TMCO1: variants seen among roughly 807,000 people sequenced by gnomAD.
The protein encoded by TMCO1 is calcium load-activated calcium channel.
A neutral mutation model predicts 29.3 loss-of-function variants in TMCO1; 29 were observed. That is an observed-to-expected ratio of 0.99 (90% CI 0.74 to 1.35). The LOEUF is 1.35. TMCO1 is among the 40% of genes most tolerant of loss of function. TMCO1 has a pLI of 0.00. For synonymous variants in TMCO1, 80 were observed against 77.1 expected (o/e 1.04, Z -0.20); for missense variants, 173 against 225.5 (o/e 0.77, Z 1.49).
rs114582888 is a variant in TMCO1 at position 165,727,107 on chromosome 1, T to A, written c.*916A>T. ...ATCATGGTACAAACATCCTTCTCCC[T>A]TATGAAGGGGCATGGCAGAAAATGA... is the stretch of plus-strand genomic sequence containing the variant. On this transcript the variant is annotated 3_prime_UTR_variant, in exon 7 of 7. Transcript: ENST00000367881. 117 of 454,060 alleles carry A rather than the reference T, an allele frequency of 2.6e-4. No individual in the cohort carries two copies. Among genetic ancestry groups the A allele is most frequent in the African/African-American group, 2.1e-3 (104 of 50,108 alleles). The allele number at this position is 454,060 out of a possible 1,614,324, so 28.1% of individuals were successfully genotyped here.
At chr1:165,761,444 A>C (rs1398715740) in intron 2 of TMCO1, among the ~76,000 whole-genome samples, 1 of 151,918 alleles carries the variant, frequency 6.6e-6, no homozygotes, top group Non-Finnish European at 1.5e-5. Flanking sequence ...CTGAGGCAGG[A>C]GGAGCTCCTG....
At chr1:165,763,874 G>C (rs935316058) in intron 2 of TMCO1, among the ~76,000 whole-genome samples, 2 of 152,140 alleles carry the variant, frequency 1.3e-5, no homozygotes, top group African/African-American at 2.4e-5. Context: ...CAATCTACCT[G>C]CCTCAGCCTC....
chr1:165,755,909 G>A (rs142626791), intron 3 of TMCO1, among the ~76,000 whole-genome samples: 148 of 152,234 alleles, frequency 9.7e-4, no homozygotes, highest in Non-Finnish European at 1.7e-3. Context: ...GGGCCAATTA[G>A]ATTCCTCTCT....
chr1:165,754,307 C>A, intron 3 of TMCO1, 33 bp from the exon 4 acceptor site: 1 of 1,540,044 alleles, frequency 6.5e-7, no homozygotes, highest in South Asian at 1.1e-5. Flanking sequence ...TTAATACATA[C>A]AATGCTGAGC....
At chr1:165,735,762 G>A (rs925418944) in intron 6 of TMCO1, among the ~76,000 whole-genome samples, 11 of 152,004 alleles carry the variant, frequency 7.2e-5, no homozygotes, top group Admixed American at 2.0e-4. Flanking sequence ...TGATCTACCC[G>A]CCCTGGCCTC....
chr1:165,767,946 G>C (rs1041727940), intron 2 of TMCO1, among the ~76,000 whole-genome samples: 3 of 152,150 alleles, frequency 2.0e-5, no homozygotes, highest in African/African-American at 4.8e-5. Flanking sequence ...GGATTAACAG[G>C]AGTAAGCCAC....
chr1:165,746,133 A>T (rs1222769025), intron 5 of TMCO1, among the ~76,000 whole-genome samples: 1 of 151,902 alleles, frequency 6.6e-6, no homozygotes, highest in African/African-American at 2.4e-5. Context: ...TACAAAACAG[A>T]GTAGGTAGTA....
intron 5 of TMCO1, 44 bp downstream of exon 5, chr1:165,752,058 T>C (rs755353759): frequency 5.6e-6 from 8 of 1,428,680 alleles, no homozygotes; most frequent in African/African-American, 1.4e-5. Flanking sequence ...CATACAAATA[T>C]AGAGTAATAG....
At chr1:165,736,447 G>A (rs1651389400) in intron 6 of TMCO1, among the ~76,000 whole-genome samples, 1 of 151,916 alleles carries the variant, frequency 6.6e-6, no homozygotes, top group Non-Finnish European at 1.5e-5. Context: ...GCCGGGCGCG[G>A]GGGCTCACGC....
At chr1:165,768,403 C>G (rs887427810) in intron 1 of TMCO1, 134 bp from the exon 2 acceptor site, 17 of 1,491,150 alleles carry the variant, frequency 1.1e-5, no homozygotes, top group Admixed American at 3.9e-5. Context: ...TTTTCAAAGG[C>G]TAATACAACT....
downstream of TMCO1, chr1:165,726,560 C>G (rs1158449972): frequency 2.1e-6 from 1 of 469,750 alleles, no homozygotes; most frequent in Non-Finnish European, 4.2e-6. Context: ...ACTAACCTCC[C>G]CTGCCCCAGT....
Position 165,727,702 on chromosome 1 carries a change from A to G in TMCO1, c.*321T>C, listed in dbSNP as rs79658899. 6,604 of 455,226 alleles carry G rather than the reference A, an allele frequency of 0.015. 366 individuals are homozygous for G. Among genetic ancestry groups the G allele is most frequent in the African/African-American group, 0.12 (5,915 of 50,130 alleles). 28.2% of individuals were successfully genotyped at this position (455,226 alleles called of 1,614,324 possible). A position where few individuals can be genotyped will look rare whatever the true frequency, so the allele number is the denominator to read the frequency against. ...TAGACAGCCAACTTGCAGGGCATAC[A>G]CAGTGCCTTGAGAGTCGGTCCCACA... On this transcript the variant is annotated 3_prime_UTR_variant, in exon 7 of 7. Coordinates refer to ENST00000367881, the MANE Select transcript of TMCO1 (RefSeq NM_019026.6).
At position 165,727,987 on chromosome 1, in the gene TMCO1, C is replaced by T; in HGVS notation, c.*36G>A. 1.3e-6 allele frequency: 2 copies of T among 1,511,138 alleles called. No homozygotes were observed. The highest frequency in any genetic ancestry group is 1.8e-6 in the Non-Finnish European group (2 of 1,095,836). The allele number at this position is 1,511,138 out of a possible 1,614,324, so 93.6% of individuals were successfully genotyped here. On this transcript the variant is annotated 3_prime_UTR_variant, in exon 7 of 7. Transcript: ENST00000367881. Reference sequence around the variant, plus strand: ...AGTTGCCAGTCTGATGTGTGTGTGTCTAGAAAGAATGATAGAAAATAAAGA... The same window carrying T: ...AGTTGCCAGTCTGATGTGTGTGTGTTTAGAAAGAATGATAGAAAATAAAGA...
downstream of TMCO1, chr1:165,725,315 A>C (rs1341654100): frequency 4.4e-6 from 2 of 454,040 alleles, no homozygotes; most frequent in Non-Finnish European, 4.4e-6. Flanking sequence ...TGTCTGATGT[A>C]ATTTTAAGTA....
At chr1:165,743,382 A>T in intron 5 of TMCO1, 71 bp from the exon 6 acceptor site, 5 of 1,510,196 alleles carry the variant, frequency 3.3e-6, no homozygotes, top group Non-Finnish European at 4.5e-6. Flanking sequence ...CCAAAGAAGA[A>T]TCTGGGACAG....
rs564855751 is a variant in TMCO1, at chr1:165,740,342, G to A, written c.468+2825C>T. Among the ~76,000 whole-genome samples, 30 of 151,558 alleles carry A rather than the reference G, an allele frequency of 2.0e-4. No individual in the cohort carries two copies. In the South Asian group the frequency reaches 6.1e-3, roughly 31 times the overall value. On this transcript the variant is annotated intron_variant, in intron 6 of 6. Transcript: ENST00000367881. ...CAGTCGCCCGAGTAGCTGGGACTACGGGTGACCACCACCACGCCCAGCTAA... is the reference window on the plus strand; with the variant it reads ...CAGTCGCCCGAGTAGCTGGGACTACAGGTGACCACCACCACGCCCAGCTAA...
intron 6 of TMCO1, among the ~76,000 whole-genome samples, chr1:165,738,404 A>T (rs1249462490): frequency 2.6e-5 from 4 of 152,250 alleles, no homozygotes; most frequent in Non-Finnish European, 5.9e-5. Context: ...TGAAATCCTC[A>T]TATTCTGACT....
chr1:165,768,704 C>T lies in TMCO1; in HGVS notation c.48G>A (p.Val16=). 2.5e-6 allele frequency: 4 copies of T among 1,614,086 alleles called. No homozygotes were observed. Among genetic ancestry groups the T allele is most frequent in the Non-Finnish European group, 3.4e-6 (4 of 1,180,014 alleles). ...ADTLLIVFIS[V]CTALLAEGIT... ...CACCCTCTGCGAGCAGAGCCGTGCA[C>T]ACAGAGATAAAAACGATGAGGAGAG... Residue 16 remains valine, a synonymous_variant, in exon 1 of 7, where the codon GTG becomes GTA. Transcript: ENST00000367881.
intron 5 of TMCO1, among the ~76,000 whole-genome samples, chr1:165,746,840 AAG>A (rs1257766355): frequency 6.6e-6 from 1 of 152,198 alleles, no homozygotes; most frequent in Non-Finnish European, 1.5e-5. Context: ...ATGGAGGGAA[AAG>A]AGAATTTGGA....
Sources: allele counts gnomAD v4.1 joint callset (sites outside exome capture counted in the v4.1 genomes callset), GRCh38; gene constraint gnomAD v4.1.1; transcripts MANE v1.5; gene names NCBI Gene and HGNC (gene_info 2026-07-23, HGNC 2026-07-21).